ANKRD26: variants seen among roughly 807,000 people sequenced by gnomAD.
The protein encoded by ANKRD26 is ankyrin repeat domain-containing protein 26.
Under a neutral mutation model 208.7 loss-of-function variants are expected in ANKRD26, and 141 were observed. The observed-to-expected ratio is 0.68, with a 90% confidence interval of 0.59 to 0.78. The LOEUF (loss-of-function observed/expected upper bound fraction) is 0.78, where lower values mean the gene tolerates loss of function less well. Ranked by LOEUF, ANKRD26 falls within the 30% of genes least tolerant of loss-of-function variation. The pLI is 0.00. For missense variants in ANKRD26, 1,889 were observed against 1,938.7 expected (o/e 0.97, Z 0.48); for synonymous variants, 636 against 660.4 (o/e 0.96, Z 0.57).
intron 25 of ANKRD26, among the ~76,000 whole-genome samples, chr10:27,030,217 A>G (rs1179084801): frequency 1.3e-5 from 2 of 152,336 alleles, no homozygotes; most frequent in East Asian, 3.9e-4. Context: ...TGAAAGTGAA[A>G]GCAAATGGGG....
chr10:27,025,183 T>TTGTC (rs1589234173), intron 27 of ANKRD26, among the ~76,000 whole-genome samples: 2 of 152,042 alleles, frequency 1.3e-5, no homozygotes, highest in East Asian at 1.9e-4. Context: ...GTTTGTTTGT[T>TTGTC]TGTCTGTGAC....
chr10:26,950,313 CCT>C, the ANKRD26 span, among the ~76,000 whole-genome samples: 1 of 152,202 alleles, frequency 6.6e-6, no homozygotes, highest in Non-Finnish European at 1.5e-5. Flanking sequence ...TCTCCTTCAC[CCT>C]CTGTGATGAT....
exon 6 of ANKRD26, among the ~76,000 whole-genome samples, chr10:26,974,657 C>T (rs986984362): frequency 6.6e-6 from 1 of 152,080 alleles, no homozygotes; most frequent in African/African-American, 2.4e-5. Context: ...GCATGTTTAT[C>T]CTCCTTCCTG....
At chr10:26,960,282 G>A in the ANKRD26 span, among the ~76,000 whole-genome samples, 163 of 152,314 alleles carry the variant, frequency 1.1e-3, no homozygotes, top group African/African-American at 3.6e-3. Flanking sequence ...TAAGAGAACC[G>A]GCAGCTTTTG....
chr10:26,951,019 CTTTTTTT>C, the ANKRD26 span, among the ~76,000 whole-genome samples: 4 of 48,582 alleles, frequency 8.2e-5, no homozygotes, highest in African/African-American at 2.2e-4. Context: ...TTTTCTTTTT[CTTTTTTT>C]TTTTTTTTTT....
In ANKRD26 at chr10:27,093,519, C is replaced by T; in HGVS notation, c.361G>A (p.Val121Ile). ...NENRTALMKAVQCQEEKCATI... is the reference protein window; with the variant it reads ...NENRTALMKAIQCQEEKCATI... The stretch of plus-strand genomic sequence containing the variant: ...GCACATTTCTCTTCCTGGCATTGTA[C>T]AGCCTGGGAGTATTAGACCAAGAAA... The change falls in exon 3 of 34, where the codon GTA becomes ATA. Residue 121 changes from valine (V) to isoleucine (I), a missense_variant. By Grantham distance (29) the Val-to-Ile change is conservative. Transcript: ENST00000376087. 6.2e-7 allele frequency: 1 copy of T among 1,614,112 alleles called. No homozygotes were observed. Among genetic ancestry groups the T allele is most frequent in the Admixed American group, 1.7e-5 (1 of 60,024 alleles).
At chr10:27,096,632 G>C (rs186437071) in intron 1 of ANKRD26, among the ~76,000 whole-genome samples, 2 of 151,828 alleles carry the variant, frequency 1.3e-5, no homozygotes, top group South Asian at 2.1e-4. Context: ...CAGGCATGGT[G>C]GTGGGTGCCT....
chr10:27,049,863 G>A (rs1306785161), intron 16 of ANKRD26, among the ~76,000 whole-genome samples: 5 of 152,160 alleles, frequency 3.3e-5, no homozygotes, highest in African/African-American at 9.7e-5. Context: ...TGAATTAAGT[G>A]TGACACTGGC....
At chr10:27,065,806 T>C (rs2055219491) in intron 11 of ANKRD26, among the ~76,000 whole-genome samples, 1 of 146,212 alleles carries the variant, frequency 6.8e-6, no homozygotes, top group African/African-American at 2.5e-5. Flanking sequence ...TACTCATCCA[T>C]ACATAACACA....
At chr10:27,066,056 C>T (rs60521923) in intron 11 of ANKRD26, among the ~76,000 whole-genome samples, 18,009 of 151,384 alleles carry the variant, frequency 0.12, 1,510 homozygotes, top group East Asian at 0.27. Context: ...AGAGATGGGA[C>T]TTCACCATGT....
rs180923955 is a variant in ANKRD26, at chr10:27,004,259, C to T, written c.*1331G>A. The T allele has an allele frequency of 2.0e-5, 3 of 152,074 alleles. No individual in the cohort carries two copies. Among genetic ancestry groups the T allele is most frequent in the African/African-American group, 7.2e-5 (3 of 41,494 alleles). 9.4% of individuals were successfully genotyped at this position (152,074 alleles called of 1,614,324 possible). ...AATATCCAAAAATTATTTGTACTAC[C>T]TCTTATAATCTTTCTGTAAGTCTGA... On this transcript the variant is annotated 3_prime_UTR_variant, in exon 34 of 34. Coordinates refer to ENST00000376087, the MANE Select transcript of ANKRD26 (RefSeq NM_014915.3).
At chr10:27,086,915 G>A (rs1270819121) in intron 4 of ANKRD26, among the ~76,000 whole-genome samples, 1 of 151,796 alleles carries the variant, frequency 6.6e-6, no homozygotes, top group Non-Finnish European at 1.5e-5. Flanking sequence ...GGGATTACAG[G>A]TACCCGTCAC....
chr10:26,973,200 G>C (rs948131189), downstream of ANKRD26, among the ~76,000 whole-genome samples: 5 of 152,082 alleles, frequency 3.3e-5, no homozygotes, highest in Admixed American at 1.3e-4. Flanking sequence ...ATTGAGAAAA[G>C]TGTATTAAAA....
downstream of ANKRD26, among the ~76,000 whole-genome samples, chr10:26,971,700 A>T (rs12266702): frequency 6.7e-6 from 1 of 149,390 alleles, no homozygotes; most frequent in Non-Finnish European, 1.5e-5. Context: ...AAAAGAAAAC[A>T]TAAAGAATTT....
chr10:26,987,419 TTAAAG>T (rs1445765703), downstream of ANKRD26, among the ~76,000 whole-genome samples: 1 of 152,174 alleles, frequency 6.6e-6, no homozygotes, highest in Non-Finnish European at 1.5e-5. Flanking sequence ...ACCCTAAAAC[TTAAAG>T]TATTCAGCCA....
chr10:26,992,963 C>T (rs1270748256), intron 5 of ANKRD26, among the ~76,000 whole-genome samples: 1 of 152,150 alleles, frequency 6.6e-6, no homozygotes, highest in Non-Finnish European at 1.5e-5. Context: ...TTTTGCAGCA[C>T]AGCTTTCCTC....
rs2055156534 is a variant in ANKRD26 at position 27,064,054 on chromosome 10, A to G, written c.1297T>C (p.Tyr433His). ...GCAGCCCCAGCTAAAGGATCAACAT[A>G]CTTCTGTGGAAAATTCTCAGAGATA... ...ESISENFPQK[Y>H]VDPLAGAADG... Residue 433 changes from tyrosine (Y) to histidine (H), a missense_variant, in exon 12 of 34, where the codon TAT becomes CAT. By Grantham distance (83) the Tyr-to-His change is moderately conservative. Around this residue, in one of 3 missense-constraint regions of ANKRD26, gnomAD observed 1,272 missense variants for 1,273.8 expected, o/e 1.00. Coordinates refer to ENST00000376087, the MANE Select transcript of ANKRD26 (RefSeq NM_014915.3). The G allele has an allele frequency of 6.2e-7, 1 of 1,611,258 alleles. No individual in the cohort carries two copies.
intron 5 of ANKRD26, among the ~76,000 whole-genome samples, chr10:27,084,559 G>C (rs979509302): frequency 2.0e-5 from 3 of 152,112 alleles, no homozygotes; most frequent in Non-Finnish European, 4.4e-5. Flanking sequence ...TAGCATAGTA[G>C]CATTTTTGTT....
intron 5 of ANKRD26, among the ~76,000 whole-genome samples, chr10:26,993,597 G>A (rs1475354423): frequency 6.6e-6 from 1 of 152,198 alleles, no homozygotes; most frequent in African/African-American, 2.4e-5. Flanking sequence ...GGGGACTAAG[G>A]TGAGGGTTGC....
Sources: gnomAD v4.1 joint callset for allele counts (sites outside exome capture counted in the v4.1 genomes callset) on GRCh38, gnomAD v4.1.1 for gene constraint, gnomAD v4.1.1 regional missense constraint, MANE v1.5 for transcripts, NCBI Gene and HGNC (gene_info 2026-07-23, HGNC 2026-07-21) for gene names.